Variants in SAXO1 observed in about 807,000 individuals in gnomAD.
The protein encoded by SAXO1 is 4930500O09Rik.
In SAXO1, 21 loss-of-function variants were observed where a neutral mutation model predicts 17.5. The ratio of observed to expected loss-of-function variants is 1.20; its 90% CI spans 0.85 to 1.72. SAXO1 has a LOEUF of 1.72. Among genes scored for constraint, SAXO1 ranks in the 40% most tolerant of loss-of-function variants. The probability of loss-of-function intolerance (pLI) is 0.00; values close to 1 mark genes in which losing one functional copy is unlikely to be tolerated. For synonymous variants in SAXO1, 274 were observed against 216.5 expected (o/e 1.27, Z -2.33); for missense variants, 843 against 596.0 (o/e 1.41, Z -4.32).
chr9:18,937,591 G>A (rs1171618766), intron 3 of SAXO1, among the ~76,000 whole-genome samples: 2 of 152,284 alleles, frequency 1.3e-5, no homozygotes, highest in Non-Finnish European at 2.9e-5. Context: ...GTGGTATTGG[G>A]AGGTGAGGCC....
At chr9:19,001,663 CAAAA>C (rs78327852) in intron 1 of SAXO1, among the ~76,000 whole-genome samples, 2 of 130,692 alleles carry the variant, frequency 1.5e-5, no homozygotes. Context: ...AAGACTCCGT[CAAAA>C]AAAAAAAAAA....
intron 1 of SAXO1, among the ~76,000 whole-genome samples, chr9:19,045,394 G>A (rs1342507302): frequency 6.8e-6 from 1 of 147,076 alleles, no homozygotes; most frequent in Non-Finnish European, 1.5e-5. Flanking sequence ...ACATAGCTGG[G>A]CAATTGTCCG....
At chr9:18,997,522 C>T (rs1834056259) in intron 1 of SAXO1, among the ~76,000 whole-genome samples, 1 of 152,244 alleles carries the variant, frequency 6.6e-6, no homozygotes, top group Non-Finnish European at 1.5e-5. Context: ...TAGATTCCAC[C>T]TCTGGGGGCA....
At chr9:19,022,067 A>G (rs560738695) in intron 1 of SAXO1, among the ~76,000 whole-genome samples, 3 of 152,306 alleles carry the variant, frequency 2.0e-5, no homozygotes, top group East Asian at 3.9e-4. Context: ...TTGGGTCCGC[A>G]CTATCTTTAT....
intron 2 of SAXO1, among the ~76,000 whole-genome samples, chr9:18,944,798 C>G (rs991761192): frequency 1.3e-5 from 2 of 152,182 alleles, no homozygotes; most frequent in Admixed American, 1.3e-4. Context: ...GGTCCTGAGC[C>G]TGGCAGTGGG....
intron 1 of SAXO1, among the ~76,000 whole-genome samples, chr9:18,996,213 A>G (rs572955928): frequency 6.6e-6 from 1 of 152,324 alleles, no homozygotes; most frequent in African/African-American, 2.4e-5. Flanking sequence ...CACTTGCTTT[A>G]TCAATCCCCT....
intron 1 of SAXO1, among the ~76,000 whole-genome samples, chr9:19,044,460 C>T (rs746390001): frequency 6.6e-6 from 1 of 152,024 alleles, no homozygotes; most frequent in Non-Finnish European, 1.5e-5. Context: ...AAACATGAGA[C>T]AAATAGGATG....
chr9:18,943,256 G>T (rs1044342566), intron 2 of SAXO1, among the ~76,000 whole-genome samples: 37 of 152,196 alleles, frequency 2.4e-4, no homozygotes, highest in African/African-American at 8.9e-4. Flanking sequence ...CCTCTGGGTA[G>T]ATTTAAAAAT....
At chr9:18,977,897 G>A (rs1188733402) in intron 1 of SAXO1, among the ~76,000 whole-genome samples, 2 of 150,560 alleles carry the variant, frequency 1.3e-5, no homozygotes, top group Non-Finnish European at 2.9e-5. Context: ...CGGGAGGGCT[G>A]AGGTGGGAGA....
intron 1 of SAXO1, among the ~76,000 whole-genome samples, chr9:18,980,488 G>T (rs1308591911): frequency 7.7e-6 from 1 of 130,262 alleles, no homozygotes; most frequent in Non-Finnish European, 1.6e-5. Flanking sequence ...CTTGCCAAAA[G>T]GAGAATGTTT....
intron 1 of SAXO1, among the ~76,000 whole-genome samples, chr9:18,968,991 C>G (rs1832843597): frequency 6.6e-6 from 1 of 151,706 alleles, no homozygotes; most frequent in Non-Finnish European, 1.5e-5. Flanking sequence ...ATGGATGAAC[C>G]CAGTGTGGCA....
chr9:18,972,655 T>G (rs1291007631), intron 1 of SAXO1, among the ~76,000 whole-genome samples: 1 of 152,144 alleles, frequency 6.6e-6, no homozygotes, highest in Non-Finnish European at 1.5e-5. Flanking sequence ...AGAAGGGCAT[T>G]CAAGAGGAAA....
intron 3 of SAXO1, among the ~76,000 whole-genome samples, chr9:18,940,608 G>A (rs775521940): frequency 6.6e-6 from 1 of 152,184 alleles, no homozygotes; most frequent in Non-Finnish European, 1.5e-5. Flanking sequence ...ACAGCATTTA[G>A]AGGTCCGTGA....
At chr9:19,032,552 G>A (rs1423451285) in intron 1 of SAXO1, among the ~76,000 whole-genome samples, 1 of 152,174 alleles carries the variant, frequency 6.6e-6, no homozygotes, top group Non-Finnish European at 1.5e-5. Context: ...GTCCCACTGG[G>A]CCAGGTGTTC....
intron 1 of SAXO1, among the ~76,000 whole-genome samples, chr9:19,018,555 A>G (rs1202784970): frequency 6.6e-6 from 1 of 152,256 alleles, no homozygotes; most frequent in Non-Finnish European, 1.5e-5. Context: ...ATTTCCCACA[A>G]AAGTATTGCT....
chr9:18,963,108 T>C (rs555968076), intron 1 of SAXO1, among the ~76,000 whole-genome samples: 1 of 152,340 alleles, frequency 6.6e-6, no homozygotes, highest in East Asian at 1.9e-4. Flanking sequence ...CAGATGGTTG[T>C]AGATATGTGG....
intron 3 of SAXO1, among the ~76,000 whole-genome samples, chr9:18,930,439 G>T (rs60679764): frequency 0.021 from 3,188 of 152,062 alleles, 106 homozygotes; most frequent in African/African-American, 0.068. Context: ...AAGACTGAAA[G>T]TCTAGGTGAG....
At chr9:18,944,632 AG>A (rs1831715132) in intron 2 of SAXO1, among the ~76,000 whole-genome samples, 1 of 152,198 alleles carries the variant, frequency 6.6e-6, no homozygotes, top group Non-Finnish European at 1.5e-5. Flanking sequence ...AGAGTAGGGA[AG>A]GCCAAGAGTT....
chr9:18,960,799 T>TGAAA (rs34050182), intron 1 of SAXO1, among the ~76,000 whole-genome samples: 124,674 of 151,778 alleles, frequency 0.82, 51,650 homozygotes, highest in African/African-American at 0.93. Context: ...AAAAAATTGC[T>TGAAA]GAATTAATCG....
Sources: gnomAD v4.1 joint callset for allele counts (sites outside exome capture counted in the v4.1 genomes callset) on GRCh38, gnomAD v4.1.1 for gene constraint, MANE v1.5 for transcripts, NCBI Gene and HGNC (gene_info 2026-07-23, HGNC 2026-07-21) for gene names.